CSMD1: variants seen among roughly 807,000 people sequenced by gnomAD.
CSMD1 encodes the protein CUB and sushi domain-containing protein 1.
CSMD1 carries 213 observed loss-of-function variants against 417.5 expected under a neutral mutation model. That is an observed-to-expected ratio of 0.51 (90% CI 0.46 to 0.57). The LOEUF is 0.57. CSMD1 is among the 20% of genes least tolerant of loss of function. CSMD1 has a pLI of 0.00. For synonymous variants in CSMD1, 2,862 were observed against 1,736.8 expected (o/e 1.65, Z -16.11); for missense variants, 6,923 against 4,529.7 (o/e 1.53, Z -15.17).
At chr8:3,653,788 C>A (rs181958559) in intron 7 of CSMD1, among the ~76,000 whole-genome samples, 1 of 152,184 alleles carries the variant, frequency 6.6e-6, no homozygotes, top group Non-Finnish European at 1.5e-5. Context: ...ATATCCCTAA[C>A]TCGTGACACA....
chr8:4,371,211 G>T (rs903379983), intron 3 of CSMD1, among the ~76,000 whole-genome samples: 8 of 152,070 alleles, frequency 5.3e-5, no homozygotes, highest in African/African-American at 1.9e-4. Flanking sequence ...CACACTGCTG[G>T]GCTACATGCT....
At chr8:3,698,280 T>C (rs929693352) in intron 7 of CSMD1, among the ~76,000 whole-genome samples, 1 of 152,210 alleles carries the variant, frequency 6.6e-6, no homozygotes, top group Admixed American at 6.5e-5. Flanking sequence ...GAAGCATTTT[T>C]TACAATCTAC....
intron 2 of CSMD1, among the ~76,000 whole-genome samples, chr8:4,449,863 G>A (rs1402630676): frequency 6.6e-6 from 1 of 152,140 alleles, no homozygotes; most frequent in Non-Finnish European, 1.5e-5. Context: ...TCCTCACCCA[G>A]TTTCTTTACT....
chr8:3,338,146 G>A (rs1310516014), intron 23 of CSMD1, among the ~76,000 whole-genome samples: 2 of 152,138 alleles, frequency 1.3e-5, no homozygotes, highest in African/African-American at 4.8e-5. Context: ...CCTCTGAGGT[G>A]CTAAAACCAG....
At chr8:4,902,801 A>T (rs552134768) in intron 1 of CSMD1, among the ~76,000 whole-genome samples, 2 of 152,052 alleles carry the variant, frequency 1.3e-5, no homozygotes, top group Non-Finnish European at 2.9e-5. Context: ...TACCAGGTTC[A>T]TGTGTATCCT....
chr8:4,473,355 G>T (rs1800635744), intron 2 of CSMD1, among the ~76,000 whole-genome samples: 1 of 152,148 alleles, frequency 6.6e-6, no homozygotes, highest in Non-Finnish European at 1.5e-5. Flanking sequence ...TGCCATTGGG[G>T]TATCTGAGGT....
intron 3 of CSMD1, among the ~76,000 whole-genome samples, chr8:4,222,598 G>A (rs888042148): frequency 6.6e-5 from 10 of 152,156 alleles, no homozygotes; most frequent in African/African-American, 1.9e-4. Context: ...ATTGTCCGAA[G>A]CCTGGCTGCT....
Position 2,985,834 on chromosome 8 carries a change from G to C in CSMD1, c.8378-7034C>G, listed in dbSNP as rs1322654975. 2.0e-5 allele frequency among the ~76,000 whole-genome samples: 3 copies of C among 151,436 alleles called. No homozygotes were observed. The East Asian group carries it at 5.9e-4, about 30-fold the overall frequency. ...TTCAATTTATTCTACAAGGAAACCGGAAATGTGCTCCAGGAGGCCCCAGTG... is the reference window on the plus strand; with the variant it reads ...TTCAATTTATTCTACAAGGAAACCGCAAATGTGCTCCAGGAGGCCCCAGTG... On this transcript the variant is annotated intron_variant, in intron 54 of 69. Coordinates refer to ENST00000635120, the MANE Select transcript of CSMD1 (RefSeq NM_033225.6).
chr8:4,587,009 A>G (rs1799734738), intron 2 of CSMD1, among the ~76,000 whole-genome samples: 1 of 152,196 alleles, frequency 6.6e-6, no homozygotes, highest in South Asian at 2.1e-4. Flanking sequence ...AGAGATACCC[A>G]TTAAAAATAA....
intron 3 of CSMD1, among the ~76,000 whole-genome samples, chr8:4,396,816 G>A (rs1321088018): frequency 6.6e-6 from 1 of 152,080 alleles, no homozygotes; most frequent in Non-Finnish European, 1.5e-5. Context: ...CTTATAAGAA[G>A]TGGGAGCTAA....
intron 5 of CSMD1, among the ~76,000 whole-genome samples, chr8:3,770,095 T>G (rs1194188211): frequency 6.6e-6 from 1 of 152,200 alleles, no homozygotes; most frequent in Non-Finnish European, 1.5e-5. Flanking sequence ...CTCCCTTCTT[T>G]CCATCAGAGC....
At chr8:3,872,896 A>G (rs1030811940) in intron 5 of CSMD1, among the ~76,000 whole-genome samples, 1 of 152,174 alleles carries the variant, frequency 6.6e-6, no homozygotes, top group Non-Finnish European at 1.5e-5. Flanking sequence ...GACAAACAAC[A>G]TGAACAGACA....
At chr8:3,550,709 A>T (rs1052538442) in intron 10 of CSMD1, among the ~76,000 whole-genome samples, 5 of 151,968 alleles carry the variant, frequency 3.3e-5, no homozygotes, top group African/African-American at 9.7e-5. Context: ...TTGCTTGCCT[A>T]TTTTCCACTT....
chr8:4,308,200 A>C (rs1466002587), intron 3 of CSMD1, among the ~76,000 whole-genome samples: 2 of 152,142 alleles, frequency 1.3e-5, no homozygotes, highest in African/African-American at 4.8e-5. Context: ...AGGTGAAGTC[A>C]CTTGAGACTG....
At chr8:4,340,082 A>G (rs889434676) in intron 3 of CSMD1, among the ~76,000 whole-genome samples, 1 of 152,098 alleles carries the variant, frequency 6.6e-6, no homozygotes, top group Non-Finnish European at 1.5e-5. Context: ...TAACGTAAGT[A>G]TTAGAGAAAT....
chr8:3,927,566 G>A lies in CSMD1; in HGVS notation c.818+70337C>T, dbSNP rs551986295. ...TGTAATCCCAGCTACTAGAGAGGCTGAGGCAGGAGAATCGCTTGAAACTGG... is the reference window on the plus strand; with the variant it reads ...TGTAATCCCAGCTACTAGAGAGGCTAAGGCAGGAGAATCGCTTGAAACTGG... On this transcript the variant is annotated intron_variant, in intron 5 of 69. Transcript: ENST00000635120. Among the ~76,000 whole-genome samples, 7 of 149,746 alleles carry A rather than the reference G, an allele frequency of 4.7e-5. No individual in the cohort carries two copies. The South Asian group carries it at 1.5e-3, about 31-fold the overall frequency.
At chr8:3,705,352 C>A (rs146726493) in intron 7 of CSMD1, among the ~76,000 whole-genome samples, 1 of 152,296 alleles carries the variant, frequency 6.6e-6, no homozygotes, top group African/African-American at 2.4e-5. Context: ...CTCAGCCTTC[C>A]ATCCATACCC....
At chr8:4,493,297 A>C (rs1405834334) in intron 2 of CSMD1, among the ~76,000 whole-genome samples, 2 of 151,634 alleles carry the variant, frequency 1.3e-5, no homozygotes, top group East Asian at 3.9e-4. Flanking sequence ...TAAAATCCTA[A>C]GAGAGAGAGA....
intron 5 of CSMD1, among the ~76,000 whole-genome samples, chr8:3,837,700 T>C (rs1802800410): frequency 1.3e-5 from 2 of 152,104 alleles, no homozygotes; most frequent in Non-Finnish European, 2.9e-5. Flanking sequence ...GGAAGAGTAA[T>C]AGAGGTTGAG....
Sources: gnomAD v4.1 joint callset for allele counts (sites outside exome capture counted in the v4.1 genomes callset) on GRCh38, gnomAD v4.1.1 for gene constraint, MANE v1.5 for transcripts, NCBI Gene and HGNC (gene_info 2026-07-23, HGNC 2026-07-21) for gene names.